The following ADAMTS6 variants were observed in gnomAD, a reference collection of about 807,000 sequenced individuals.
ADAMTS6 encodes the protein ADAM metallopeptidase with thrombospondin type 1 motif 6.
A neutral mutation model predicts 144.3 loss-of-function variants in ADAMTS6; 23 were observed. That is an observed-to-expected ratio of 0.16 (90% confidence interval 0.11 to 0.23). The LOEUF is 0.23. ADAMTS6 is among the 10% of genes least tolerant of loss of function. The probability of loss-of-function intolerance (pLI) is 1.00; values close to 1 mark genes in which losing one functional copy is unlikely to be tolerated. For synonymous variants in ADAMTS6, 444 were observed against 457.5 expected, an observed-to-expected ratio of 0.97 and a Z score of 0.38; for missense variants, 999 against 1,379.6, an observed-to-expected ratio of 0.72 and a Z score of 4.37.
chr5:65,199,999 T>G (rs1006360453), intron 20 of ADAMTS6, among the ~76,000 whole-genome samples: 1 of 152,134 alleles, frequency 6.6e-6, no homozygotes, highest in African/African-American at 2.4e-5. Flanking sequence ...GCTCTATATT[T>G]TATGAAGATG....
chr5:65,419,325 T>G (rs1189732691), intron 7 of ADAMTS6, among the ~76,000 whole-genome samples: 1 of 152,158 alleles, frequency 6.6e-6, no homozygotes, highest in East Asian at 1.9e-4. Flanking sequence ...ATGTTCTCAC[T>G]TATAGGTGGG....
intron 3 of ADAMTS6, among the ~76,000 whole-genome samples, chr5:65,466,539 T>A (rs1459646529): frequency 6.6e-6 from 1 of 152,230 alleles, no homozygotes; most frequent in Non-Finnish European, 1.5e-5. Flanking sequence ...TATTTTTCAC[T>A]ACTGTAATCC....
At chr5:65,226,320 T>C in intron 15 of ADAMTS6, 101 bp from the exon 16 acceptor site, 1 of 1,241,686 alleles carries the variant, frequency 8.1e-7, no homozygotes. Flanking sequence ...TAGACATCAT[T>C]CCCTGCTTAT....
intron 7 of ADAMTS6, among the ~76,000 whole-genome samples, chr5:65,435,712 G>A (rs192239584): frequency 5.9e-5 from 9 of 151,454 alleles, no homozygotes; most frequent in Non-Finnish European, 1.0e-4. Context: ...TGCAACCTCC[G>A]CCTCCTGGGT....
chr5:65,338,820 T>TGC (rs1486186719), intron 7 of ADAMTS6, among the ~76,000 whole-genome samples: 1 of 152,180 alleles, frequency 6.6e-6, no homozygotes, highest in East Asian at 1.9e-4. Flanking sequence ...CAAGGAGCTG[T>TGC]GCAGCTGTGT....
intron 7 of ADAMTS6, among the ~76,000 whole-genome samples, chr5:65,352,372 TATTTAGAAATATGGCACC>T (rs1193954246): frequency 1.1e-4 from 16 of 152,290 alleles, no homozygotes; most frequent in African/African-American, 3.8e-4. Flanking sequence ...AAAATCATAT[TATTTAGAAATATGGCACC>T]AATTTCCAGA....
intron 7 of ADAMTS6, among the ~76,000 whole-genome samples, chr5:65,444,308 C>A (rs927860427): frequency 2.0e-5 from 3 of 152,154 alleles, no homozygotes; most frequent in African/African-American, 7.2e-5. Context: ...AGGAGAATCA[C>A]AAAGCTGAGA....
At chr5:65,375,503 T>C (rs562840684) in intron 7 of ADAMTS6, among the ~76,000 whole-genome samples, 1 of 151,904 alleles carries the variant, frequency 6.6e-6, no homozygotes, top group South Asian at 2.1e-4. Flanking sequence ...AAAAAACACA[T>C]GAAAAAATGC....
At chr5:65,345,908 T>C (rs1463648814) in intron 7 of ADAMTS6, among the ~76,000 whole-genome samples, 1 of 151,918 alleles carries the variant, frequency 6.6e-6, no homozygotes, top group Non-Finnish European at 1.5e-5. Flanking sequence ...TTATTATTCC[T>C]AAAGAAAGCA....
intron 10 of ADAMTS6, among the ~76,000 whole-genome samples, chr5:65,295,304 A>T (rs1037767464): frequency 1.3e-5 from 2 of 152,146 alleles, no homozygotes; most frequent in African/African-American, 2.4e-5. Flanking sequence ...TTCCTTTCAT[A>T]AAATATTAGA....
At chr5:65,209,257 T>G (rs1350214257) in intron 20 of ADAMTS6, among the ~76,000 whole-genome samples, 3 of 152,228 alleles carry the variant, frequency 2.0e-5, no homozygotes, top group Non-Finnish European at 4.4e-5. Flanking sequence ...CAACTGATTA[T>G]AATCACTAAT....
At chr5:65,480,169 A>C (rs1761103638) in intron 1 of ADAMTS6, among the ~76,000 whole-genome samples, 1 of 152,252 alleles carries the variant, frequency 6.6e-6, no homozygotes, top group Non-Finnish European at 1.5e-5. Context: ...ACAGAAACTA[A>C]AAAGAAAGAA....
intron 9 of ADAMTS6, among the ~76,000 whole-genome samples, chr5:65,310,854 AC>A (rs1280631542): frequency 6.6e-6 from 1 of 152,208 alleles, no homozygotes; most frequent in Non-Finnish European, 1.5e-5. Context: ...TTATGTTCAA[AC>A]TTAAAATTGT....
chr5:65,329,963 A>G (rs1561431276), intron 8 of ADAMTS6, among the ~76,000 whole-genome samples: 1 of 152,182 alleles, frequency 6.6e-6, no homozygotes, highest in African/African-American at 2.4e-5. Flanking sequence ...TTATTAAAAA[A>G]TAAAATGAAT....
intron 15 of ADAMTS6, among the ~76,000 whole-genome samples, chr5:65,233,726 T>G (rs1026060050): frequency 1.1e-4 from 16 of 152,222 alleles, no homozygotes; most frequent in Middle Eastern, 3.4e-3. Flanking sequence ...ATGGATTTGA[T>G]GCAATCTCTA....
rs1756802364 is a variant in ADAMTS6, at chr5:65,214,886, A to T, written c.2483T>A (p.Val828Asp). ...TCCACTGCCAGTTCGAGTGATGGGA[A>T]CATTGAACTTATACCTAATTCCCAA... Reference protein sequence around the residue: ...QNLGIRYKFNVPITRTGSGDN... With the variant: ...QNLGIRYKFNDPITRTGSGDN... Residue 828 changes from valine to aspartate, a missense_variant, in exon 20 of 25, where the codon GTT (valine) becomes GAT (aspartate). This residue lies in a region of ADAMTS6 where 619 missense variants were observed against 837.0 expected (regional missense o/e 0.74). Coordinates refer to ENST00000381055, the MANE Select transcript of ADAMTS6 (RefSeq NM_197941.4). The surrounding 1 kb of genome is among the most constrained non-coding windows in gnomAD (Gnocchi z 4.6). The T allele has an allele frequency of 6.8e-6, 11 of 1,614,146 alleles. No homozygotes were observed. The highest frequency in any genetic ancestry group is 9.3e-6 in the Non-Finnish European group (11 of 1,179,992).
chr5:65,204,141 G>A (rs1755924758), intron 20 of ADAMTS6, among the ~76,000 whole-genome samples: 1 of 152,134 alleles, frequency 6.6e-6, no homozygotes, highest in African/African-American at 2.4e-5. Context: ...ACAACATGCA[G>A]AAGTAAACAG....
chr5:65,374,375 A>G (rs1377293078), intron 7 of ADAMTS6, among the ~76,000 whole-genome samples: 3 of 149,536 alleles, frequency 2.0e-5, no homozygotes, highest in African/African-American at 7.6e-5. Flanking sequence ...GTCTCAGCCC[A>G]AAATCTCCTT....
chr5:65,443,036 T>A (rs1757988342), intron 7 of ADAMTS6, among the ~76,000 whole-genome samples: 1 of 152,190 alleles, frequency 6.6e-6, no homozygotes, highest in African/African-American at 2.4e-5. Context: ...TGCATAGTAT[T>A]CCATGGTGTA....
Sources: allele counts gnomAD v4.1 joint callset (sites outside exome capture counted in the v4.1 genomes callset), GRCh38; gene constraint gnomAD v4.1.1; regional missense constraint gnomAD v4.1.1; non-coding constraint Gnocchi (gnomAD v3.1); transcripts MANE v1.5; gene names NCBI Gene and HGNC (gene_info 2026-07-23, HGNC 2026-07-21).